RYR1: variants seen among roughly 807,000 people sequenced by gnomAD.
The protein encoded by RYR1 is ryanodine receptor 1.
RYR1 carries 342 observed loss-of-function variants against 583.5 expected under a neutral mutation model. The ratio of observed to expected loss-of-function variants is 0.59; its 90% CI spans 0.54 to 0.64. RYR1 has a LOEUF of 0.64. Among genes scored for constraint, RYR1 ranks in the 30% least tolerant of loss-of-function variants. The probability of loss-of-function intolerance (pLI) is 0.00; values close to 1 mark genes in which losing one functional copy is unlikely to be tolerated. For synonymous variants in RYR1, 2,791 were observed against 2,822.5 expected, an observed-to-expected ratio of 0.99 and a Z score of 0.35; for missense variants, 6,032 against 6,917.2, an observed-to-expected ratio of 0.87 and a Z score of 4.54.
chr19:38,519,472 G>C lies in RYR1; in HGVS notation c.10259+18G>C. On this transcript the variant is annotated intron_variant, in intron 67 of 105. Transcript: ENST00000359596. ...AACAACAGGTCAGCGGGGCCCCGCT[G>C]TCCCCATGCCCTCCGCCCCGACCTC... The C allele has an allele frequency of 1.3e-6, 2 of 1,581,864 alleles. No individual in the cohort carries two copies. Among genetic ancestry groups the C allele is most frequent in the Non-Finnish European group, 1.7e-6 (2 of 1,165,258 alleles).
chr19:38,499,647 A>C lies in RYR1; in HGVS notation c.7040A>C (p.Glu2347Ala), dbSNP rs756396385. ...FAVFVNGESV[E>A]ENANVVVRLL... Reference sequence around the variant, plus strand: ...TGCGGGTGGCCAGGCGAGAGCGTGGAGGAGAACGCCAATGTGGTGGTGCGG... The same window carrying C: ...TGCGGGTGGCCAGGCGAGAGCGTGGCGGAGAACGCCAATGTGGTGGTGCGG... Residue 2347 changes from glutamate to alanine, a missense_variant, in exon 44 of 106, where the codon GAG (glutamate) becomes GCG (alanine). Around this residue, in one of 11 missense-constraint regions of RYR1, gnomAD observed 2,627 missense variants for 2,961.3 expected, o/e 0.89. Transcript: ENST00000359596. This position sits in a 1 kb window ranked among gnomAD's most constrained non-coding sequence, Gnocchi z 7.3. The C allele has an allele frequency of 6.3e-7, 1 of 1,598,062 alleles. No individual in the cohort carries two copies. The highest frequency in any genetic ancestry group is 8.5e-7 in the Non-Finnish European group (1 of 1,179,832).
chr19:38,463,306 TG>T, intron 20 of RYR1, 116 bp from the exon 21 acceptor site: 1 of 794,988 alleles, frequency 1.3e-6, no homozygotes, highest in Non-Finnish European at 2.1e-6. Flanking sequence ...TGCTGGATGG[TG>T]GGAAAGGGGG....
At chr19:38,484,199 T>C (rs1969160083) in intron 33 of RYR1, among the ~76,000 whole-genome samples, 2 of 151,878 alleles carry the variant, frequency 1.3e-5, no homozygotes, top group Non-Finnish European at 2.9e-5. Context: ...GGCTGAGGCA[T>C]GAGAATTGCT....
intron 84 of RYR1, among the ~76,000 whole-genome samples, chr19:38,542,799 G>A (rs1396184782): frequency 1.3e-5 from 2 of 151,760 alleles, no homozygotes; most frequent in Non-Finnish European, 2.9e-5. Context: ...GGGATTACAG[G>A]TGTGAGCCAC....
chr19:38,502,497 T>C lies in RYR1; in HGVS notation c.7615-10T>C, dbSNP rs745489247. On this transcript the variant is annotated splice_polypyrimidine_tract_variant and intron_variant, in intron 47 of 105. Coordinates refer to ENST00000359596, the MANE Select transcript of RYR1 (RefSeq NM_000540.3). ...TGCAGCGGGCCTGATGTCCTCACCC[T>C]GCGCCCTAGGCCACTTTCAGCACCA... 31 of 1,603,314 alleles carry C rather than the reference T, an allele frequency of 1.9e-5. No homozygotes were observed. The highest frequency in any genetic ancestry group is 2.5e-5 in the Non-Finnish European group (29 of 1,177,960).
rs747872359 is a variant in RYR1, at chr19:38,561,071, G to A, written c.12283-42G>A. 4 of 1,534,740 alleles carry A rather than the reference G, an allele frequency of 2.6e-6. No homozygotes were observed. The Admixed American group carries it at 7.0e-5, about 27-fold the overall frequency. ...AAAAAAAAAAAAGAGAGAGAATTGA[G>A]GCTCTCCAGGTCACCCCACTGACCT... On this transcript the variant is annotated intron_variant, in intron 89 of 105. Coordinates refer to ENST00000359596, the MANE Select transcript of RYR1 (RefSeq NM_000540.3). This position sits in a 1 kb window ranked among gnomAD's most constrained non-coding sequence, Gnocchi z 4.8.
chr19:38,466,755 A>G (rs954492699), intron 24 of RYR1, among the ~76,000 whole-genome samples: 6 of 150,636 alleles, frequency 4.0e-5, no homozygotes, highest in Admixed American at 2.0e-4. Flanking sequence ...CCTGCCTCGG[A>G]CTCCCAAAGT....
chr19:38,581,800 G>C (rs189116097), intron 101 of RYR1, among the ~76,000 whole-genome samples: 1 of 150,856 alleles, frequency 6.6e-6, no homozygotes, highest in Non-Finnish European at 1.5e-5. Context: ...AGGTGGGGGG[G>C]TCTCACAATG....
chr19:38,536,648 T>C, intron 82 of RYR1, 102 bp from the exon 83 acceptor site: 1 of 1,349,254 alleles, frequency 7.4e-7, no homozygotes, highest in Non-Finnish European at 1.1e-6. Flanking sequence ...TGTCTTTCTG[T>C]GTCTCTGTCC....
At position 38,478,451 on chromosome 19, in the gene RYR1, T is replaced by C. The variant is rs769182411; in HGVS notation, c.4471T>C (p.Cys1491Arg). The change falls in exon 31 of 106, where the codon TGC becomes CGC. Residue 1491 changes from cysteine (C) to arginine (R), a missense_variant. By Grantham distance (180) the Cys-to-Arg change is radical. Coordinates refer to ENST00000359596, the MANE Select transcript of RYR1 (RefSeq NM_000540.3). ...NVHSSLKCSN[C>R]YMVWGGDFVS... ...CTCCTGCAGCCTCAAGTGTAGCAACTGCTACATGGTGTGGGGCGGAGACTT... is the reference window on the plus strand; with the variant it reads ...CTCCTGCAGCCTCAAGTGTAGCAACCGCTACATGGTGTGGGGCGGAGACTT... 2 of 1,613,844 alleles carry C rather than the reference T, an allele frequency of 1.2e-6. No homozygotes were observed. Among genetic ancestry groups the C allele is most frequent in the Non-Finnish European group, 1.7e-6 (2 of 1,180,024 alleles).
At position 38,572,263 on chromosome 19, in the gene RYR1, G is replaced by T; in HGVS notation, c.13991G>T (p.Cys4664Phe). ...VAFLCIIGYNCLKVPLVIFKR... is the reference protein window; with the variant it reads ...VAFLCIIGYNFLKVPLVIFKR... The stretch of plus-strand genomic sequence containing the variant: ...TTTCTCTGCATCATTGGCTATAATT[G>T]TCTCAAGGTGGGCCCATGGCCATGG... The change falls in exon 95 of 106, where the codon TGT becomes TTT. Residue 4664 changes from cysteine to phenylalanine, a missense_variant. This residue lies in a region of RYR1 where 188 missense variants were observed against 215.6 expected (regional missense o/e 0.87). Coordinates refer to ENST00000359596, the MANE Select transcript of RYR1 (RefSeq NM_000540.3). 6.6e-7 allele frequency: 1 copy of T among 1,509,216 alleles called. No individual in the cohort carries two copies. Among genetic ancestry groups the T allele is most frequent in the East Asian group, 2.7e-5 (1 of 36,892 alleles). 93.5% of individuals were successfully genotyped at this position (1,509,216 alleles called of 1,614,324 possible). A position where few individuals can be genotyped will look rare whatever the true frequency, so the allele number is the denominator to read the frequency against.
intron 20 of RYR1, among the ~76,000 whole-genome samples, chr19:38,462,968 C>T (rs1049165618): frequency 7.8e-6 from 1 of 128,896 alleles, no homozygotes; most frequent in African/African-American, 3.0e-5. Flanking sequence ...ACAATCTTGG[C>T]TCACTGCAAC....
At chr19:38,479,397 AT>A (rs1162818669) in intron 31 of RYR1, among the ~76,000 whole-genome samples, 1 of 152,036 alleles carries the variant, frequency 6.6e-6, no homozygotes, top group Non-Finnish European at 1.5e-5. Flanking sequence ...TGGTTATGAA[AT>A]TTTATTGCAT....
rs774336187 is a variant in RYR1, at chr19:38,502,757, A to T, written c.7835+30A>T. 49 of 296,606 alleles carry T rather than the reference A, an allele frequency of 1.7e-4. 1 individual carries two copies. Among genetic ancestry groups the T allele is most frequent in the African/African-American group, 9.3e-4 (11 of 11,822 alleles). The allele number at this position is 296,606 out of a possible 1,614,324, so 18.4% of individuals were successfully genotyped here. On this transcript the variant is annotated intron_variant, in intron 48 of 105. Coordinates refer to ENST00000359596, the MANE Select transcript of RYR1 (RefSeq NM_000540.3). The stretch of plus-strand genomic sequence containing the variant: ...AGCGGGGCAGGCTTCAGGGTGGGGC[A>T]GGGGCAGGGGCAGGGGCAGGGGCAG...
At chr19:38,532,214 C>T (rs1971768696) in intron 76 of RYR1, among the ~76,000 whole-genome samples, 1 of 151,880 alleles carries the variant, frequency 6.6e-6, no homozygotes, top group Non-Finnish European at 1.5e-5. Flanking sequence ...CTCTGCCTCC[C>T]GGGTTCAAGC....
chr19:38,566,553 C>T (rs913954499), intron 91 of RYR1, among the ~76,000 whole-genome samples: 1 of 150,898 alleles, frequency 6.6e-6, no homozygotes, highest in African/African-American at 2.4e-5. Flanking sequence ...CGGAGATACT[C>T]GTTGTGGGAA....
intron 20 of RYR1, among the ~76,000 whole-genome samples, chr19:38,462,884 C>G (rs1420566295): frequency 8.2e-6 from 1 of 122,634 alleles, no homozygotes; most frequent in South Asian, 2.5e-4. Flanking sequence ...CCTTAATACT[C>G]TCTCTTCTTT....
chr19:38,461,980 G>A (rs545715027), intron 20 of RYR1, among the ~76,000 whole-genome samples: 10 of 149,748 alleles, frequency 6.7e-5, no homozygotes, highest in Non-Finnish European at 8.9e-5. Flanking sequence ...ACTTGAACCC[G>A]GGAGGTGGAG....
rs1319833644 is a variant in RYR1 at position 38,455,279 on chromosome 19, C to T, written c.1485C>T (p.Val495=). The T allele has an allele frequency of 6.2e-7, 1 of 1,613,988 alleles. No individual in the cohort carries two copies. The highest frequency in any genetic ancestry group is 1.3e-5 in the African/African-American group (1 of 74,874). Residue 495 remains valine (V), a synonymous_variant, in exon 14 of 106, where the codon GTC becomes GTT. Coordinates refer to ENST00000359596, the MANE Select transcript of RYR1 (RefSeq NM_000540.3). The part of the protein sequence containing the change: ...MVLNCIDRLN[V]YTTAAHFAEF... Reference sequence around the variant, plus strand: ...TGAATTGCATAGACCGCCTAAATGTCTACACCACTGCTGCCCACTTTGCTG... The same window carrying T: ...TGAATTGCATAGACCGCCTAAATGTTTACACCACTGCTGCCCACTTTGCTG...
Sources: allele counts gnomAD v4.1 joint callset (sites outside exome capture counted in the v4.1 genomes callset), GRCh38; gene constraint gnomAD v4.1.1; regional missense constraint gnomAD v4.1.1; non-coding constraint Gnocchi (gnomAD v3.1); transcripts MANE v1.5; gene names NCBI Gene and HGNC (gene_info 2026-07-23, HGNC 2026-07-21).